PCDH15: variants seen among roughly 807,000 people sequenced by gnomAD.
PCDH15 encodes protocadherin-15.
Under a neutral mutation model 178.5 loss-of-function variants are expected in PCDH15, and 129 were observed. That is an observed-to-expected ratio of 0.72 (90% CI 0.63 to 0.84). The LOEUF (loss-of-function observed/expected upper bound fraction) is 0.84, where lower values mean the gene tolerates loss of function less well. Ranked by LOEUF, PCDH15 falls within the 40% of genes least tolerant of loss-of-function variation. The pLI, the probability that PCDH15 is intolerant of heterozygous loss-of-function variation, is 0.00. For synonymous variants in PCDH15, 800 were observed against 732.0 expected (o/e 1.09, Z -1.50); for missense variants, 2,230 against 2,099.9 (o/e 1.06, Z -1.21).
intron 2 of PCDH15, among the ~76,000 whole-genome samples, chr10:55,003,462 T>C (rs1338573055): frequency 6.7e-6 from 1 of 150,000 alleles, no homozygotes; most frequent in Non-Finnish European, 1.5e-5. Flanking sequence ...TTTTTCAGAG[T>C]CTAGAGAATT....
At chr10:55,098,884 T>C (rs987293503) in intron 2 of PCDH15, among the ~76,000 whole-genome samples, 3 of 97,678 alleles carry the variant, frequency 3.1e-5, no homozygotes, top group Admixed American at 1.9e-4. Context: ...GTTCTTTCAT[T>C]AAAACTTCAA....
intron 2 of PCDH15, among the ~76,000 whole-genome samples, chr10:55,481,349 T>G (rs2132118023): frequency 6.6e-6 from 1 of 151,906 alleles, no homozygotes; most frequent in African/African-American, 2.4e-5. Context: ...TCAGATCTGA[T>G]TTTGGTTATT....
chr10:54,832,068 T>G (rs533324884), intron 3 of PCDH15, among the ~76,000 whole-genome samples: 4 of 152,292 alleles, frequency 2.6e-5, no homozygotes, highest in Non-Finnish European at 4.4e-5. Context: ...GTTTTTCTAT[T>G]GCCTTTGAAG....
At chr10:53,904,753 T>A (rs1240725922) in intron 25 of PCDH15, among the ~76,000 whole-genome samples, 2 of 152,200 alleles carry the variant, frequency 1.3e-5, no homozygotes, top group Non-Finnish European at 2.9e-5. Flanking sequence ...ATGAAATCAT[T>A]TTTAGTTCAG....
At chr10:55,485,340 C>A (rs552068467) in intron 2 of PCDH15, among the ~76,000 whole-genome samples, 30 of 151,722 alleles carry the variant, frequency 2.0e-4, no homozygotes, top group Admixed American at 7.9e-4. Flanking sequence ...TATCCCACTG[C>A]TTAAGGTCAT....
chr10:55,407,372 G>C (rs527353162), intron 2 of PCDH15, among the ~76,000 whole-genome samples: 1 of 152,026 alleles, frequency 6.6e-6, no homozygotes, highest in Non-Finnish European at 1.5e-5. Context: ...AGTTCAAATG[G>C]GTAAATACTG....
chr10:54,752,308 C>T (rs1946350358), intron 1 of PCDH15, among the ~76,000 whole-genome samples: 1 of 151,398 alleles, frequency 6.6e-6, no homozygotes. Flanking sequence ...AACCCCGTCT[C>T]TACTAAAAAT....
chr10:55,026,888 T>C (rs1051400774), intron 2 of PCDH15, among the ~76,000 whole-genome samples: 1 of 151,990 alleles, frequency 6.6e-6, no homozygotes, highest in African/African-American at 2.4e-5. Context: ...AAATGACATC[T>C]TACTACTGCA....
intron 2 of PCDH15, among the ~76,000 whole-genome samples, chr10:55,013,794 C>T (rs1840105652): frequency 2.0e-5 from 3 of 151,940 alleles, no homozygotes; most frequent in Admixed American, 2.0e-4. Flanking sequence ...TAGCACTTGG[C>T]CCCAAATAGG....
intron 13 of PCDH15, among the ~76,000 whole-genome samples, chr10:54,172,550 T>C (rs1590949757): frequency 6.6e-6 from 1 of 152,306 alleles, no homozygotes; most frequent in African/African-American, 2.4e-5. Context: ...AATGAGCTCT[T>C]TTTTGGAAAC....
At chr10:55,071,411 G>C (rs1841743069) in intron 2 of PCDH15, among the ~76,000 whole-genome samples, 2 of 151,940 alleles carry the variant, frequency 1.3e-5, no homozygotes, top group South Asian at 2.1e-4. Flanking sequence ...GATCTACCAA[G>C]CAAATGGAAA....
At chr10:53,832,242 AT>A (rs1203711954) in intron 29 of PCDH15, among the ~76,000 whole-genome samples, 2 of 152,028 alleles carry the variant, frequency 1.3e-5, no homozygotes, top group Non-Finnish European at 2.9e-5. Flanking sequence ...CCTCTAAATA[AT>A]GCAATTCCAA....
intron 1 of PCDH15, among the ~76,000 whole-genome samples, chr10:54,668,611 T>C (rs769199916): frequency 2.0e-5 from 3 of 152,216 alleles, no homozygotes; most frequent in Non-Finnish European, 4.4e-5. Context: ...GTCCTTTTTC[T>C]GTTTATCCCT....
chr10:54,995,981 T>C (rs1298487452), intron 2 of PCDH15, among the ~76,000 whole-genome samples: 2 of 152,198 alleles, frequency 1.3e-5, no homozygotes, highest in East Asian at 1.9e-4. Context: ...TTAGCTGCAA[T>C]ACCTCATTAA....
At chr10:54,330,469 G>C (rs1290968774) in intron 6 of PCDH15, among the ~76,000 whole-genome samples, 2 of 151,822 alleles carry the variant, frequency 1.3e-5, no homozygotes, top group African/African-American at 4.8e-5. Flanking sequence ...ATAATTTTAT[G>C]AGACCACCAT....
intron 2 of PCDH15, among the ~76,000 whole-genome samples, chr10:55,450,955 C>A (rs961062322): frequency 1.3e-4 from 16 of 122,326 alleles, no homozygotes; most frequent in African/African-American, 2.0e-4. Context: ...GGGGTAAGAA[C>A]TATATATATA....
At chr10:54,783,433 A>C (rs1245197635) in intron 1 of PCDH15, among the ~76,000 whole-genome samples, 1 of 152,034 alleles carries the variant, frequency 6.6e-6, no homozygotes, top group Non-Finnish European at 1.5e-5. Context: ...ACAAGGAAAG[A>C]AAGAATGATG....
intron 1 of PCDH15, among the ~76,000 whole-genome samples, chr10:54,700,464 GAATAC>G (rs2095294606): frequency 6.6e-6 from 1 of 151,914 alleles, no homozygotes; most frequent in African/African-American, 2.4e-5. Context: ...GGAGTCTAAG[GAATAC>G]AATACAACAA....
At chr10:54,035,941 G>C (rs1355051923) in intron 18 of PCDH15, among the ~76,000 whole-genome samples, 4 of 151,930 alleles carry the variant, frequency 2.6e-5, no homozygotes, top group Non-Finnish European at 1.5e-5. Context: ...TGTGAAGAAA[G>C]TTTGAGTGGT....
Sources: gnomAD v4.1 joint callset for allele counts (sites outside exome capture counted in the v4.1 genomes callset) on GRCh38, gnomAD v4.1.1 for gene constraint, MANE v1.5 for transcripts, NCBI Gene and HGNC (gene_info 2026-07-23, HGNC 2026-07-21) for gene names.